The following CTIF variants were observed in gnomAD, a reference collection of about 807,000 sequenced individuals.
CTIF encodes the protein CBP80/20-dependent translation initiation factor.
Under a neutral mutation model 66.0 loss-of-function variants are expected in CTIF, and 21 were observed. That is an observed-to-expected ratio of 0.32 (90% CI 0.23 to 0.46). The LOEUF is 0.46. CTIF is among the 20% of genes least tolerant of loss of function. The pLI, the probability that CTIF is intolerant of heterozygous loss-of-function variation, is 1.00. For missense variants in CTIF, 739 were observed against 812.7 expected (o/e 0.91, Z 1.10); for synonymous variants, 345 against 326.4 (o/e 1.06, Z -0.62).
intron 6 of CTIF, among the ~76,000 whole-genome samples, chr18:48,695,209 T>C (rs2091987978): frequency 6.6e-6 from 1 of 152,228 alleles, no homozygotes; most frequent in Non-Finnish European, 1.5e-5. Flanking sequence ...GCTGGAATTG[T>C]TTACAGAGCG....
chr18:48,842,516 G>A (rs2068969159), intron 10 of CTIF, among the ~76,000 whole-genome samples: 2 of 151,256 alleles, frequency 1.3e-5, no homozygotes. Flanking sequence ...GCCTCACAGT[G>A]TTCCCAGGAT....
At chr18:48,752,804 C>T (rs929701275) in intron 7 of CTIF, among the ~76,000 whole-genome samples, 8 of 152,178 alleles carry the variant, frequency 5.3e-5, no homozygotes, top group African/African-American at 1.7e-4. Flanking sequence ...ATGGGTGCTC[C>T]GTTAGTATAG....
chr18:48,589,579 G>A (rs1319929628), intron 1 of CTIF, among the ~76,000 whole-genome samples: 4 of 152,234 alleles, frequency 2.6e-5, no homozygotes, highest in Non-Finnish European at 5.9e-5. Flanking sequence ...ACACAGCTGA[G>A]CTAATGCAGT....
chr18:48,843,587 A>G (rs8084999), intron 10 of CTIF, among the ~76,000 whole-genome samples: 8,347 of 152,170 alleles, frequency 0.055, 727 homozygotes, highest in African/African-American at 0.19. Context: ...GGGAAATGGA[A>G]TAGGCCAGAG....
At chr18:48,755,348 C>T (rs1250376014) in intron 7 of CTIF, among the ~76,000 whole-genome samples, 1 of 152,196 alleles carries the variant, frequency 6.6e-6, no homozygotes, top group African/African-American at 2.4e-5. Context: ...GCCACAGTTT[C>T]TTCTGGGCTT....
intron 2 of CTIF, chr18:48,621,765 A>C (rs895609677): frequency 4.1e-6 from 1 of 246,504 alleles, no homozygotes; most frequent in South Asian, 3.9e-5. Context: ...CCTGGAGACT[A>C]GGAGAATAGT....
In CTIF at chr18:48,591,385, G is replaced by A. The variant is rs146394324; in HGVS notation, c.-28-28153G>A. ...CTGGAGCTCTGAGCAGGACACATGGGAGAAGACAGACTCAGCATCAAGAAA... is the reference window on the plus strand; with the variant it reads ...CTGGAGCTCTGAGCAGGACACATGGAAGAAGACAGACTCAGCATCAAGAAA... On this transcript the variant is annotated intron_variant, in intron 1 of 11. Coordinates refer to ENST00000256413, the MANE Select transcript of CTIF (RefSeq NM_014772.3). 4.3e-4 allele frequency among the ~76,000 whole-genome samples: 66 copies of A among 152,336 alleles called. 1 individual carries two copies. Among genetic ancestry groups the A allele is most frequent in the Middle Eastern group, 6.8e-3 (2 of 294 alleles).
chr18:48,548,825 G>A (rs985227685), intron 1 of CTIF, among the ~76,000 whole-genome samples: 1 of 152,238 alleles, frequency 6.6e-6, no homozygotes, highest in Non-Finnish European at 1.5e-5. Context: ...GGCTCTAGGA[G>A]TGAGGTGAGA....
chr18:48,602,112 C>G (rs913335829), intron 1 of CTIF, among the ~76,000 whole-genome samples: 1 of 152,218 alleles, frequency 6.6e-6, no homozygotes, highest in African/African-American at 2.4e-5. Flanking sequence ...GAACATGGGC[C>G]TACTGTTCAT....
At chr18:48,689,775 G>A (rs1426088456) in intron 6 of CTIF, among the ~76,000 whole-genome samples, 2 of 152,176 alleles carry the variant, frequency 1.3e-5, no homozygotes, top group Non-Finnish European at 2.9e-5. Context: ...TAAGTGCAAA[G>A]GTGACTTTCA....
chr18:48,591,276 C>A (rs2089882304), intron 1 of CTIF, among the ~76,000 whole-genome samples: 2 of 152,246 alleles, frequency 1.3e-5, no homozygotes, highest in South Asian at 4.1e-4. Context: ...TTGTGGGTCC[C>A]AGGCTGGCTG....
chr18:48,859,964 G>A lies in CTIF; in HGVS notation c.*405G>A, dbSNP rs1054654265. The A allele has an allele frequency of 1.3e-5, 6 of 468,490 alleles. No individual in the cohort carries two copies. The highest frequency in any genetic ancestry group is 2.0e-5 in the African/African-American group (1 of 50,542). 29.0% of individuals were successfully genotyped at this position (468,490 alleles called of 1,614,324 possible). A position where few individuals can be genotyped will look rare whatever the true frequency, so the allele number is the denominator to read the frequency against. The stretch of plus-strand genomic sequence containing the variant: ...CACCGCTTGGGTCAGAAAGGACCTC[G>A]GAAGGCTGAAAAAGTGGGTCGGAGA... On this transcript the variant is annotated 3_prime_UTR_variant, in exon 12 of 12. Transcript: ENST00000256413.
chr18:48,568,371 T>A (rs1468606952), intron 1 of CTIF: 1 of 151,888 alleles, frequency 6.6e-6, no homozygotes, highest in Non-Finnish European at 1.5e-5. Context: ...GGGGAAACAT[T>A]GGGAATCGGA....
chr18:48,757,547 C>T (rs1054588194), intron 7 of CTIF, among the ~76,000 whole-genome samples: 2 of 152,184 alleles, frequency 1.3e-5, no homozygotes, highest in African/African-American at 2.4e-5. Flanking sequence ...ACACGTGGAA[C>T]GGCTGCTTCC....
chr18:48,818,037 A>G (rs1224620558), intron 10 of CTIF, among the ~76,000 whole-genome samples: 3 of 152,350 alleles, frequency 2.0e-5, no homozygotes, highest in East Asian at 1.9e-4. Context: ...TATTTATTCT[A>G]TGAAAACATA....
chr18:48,772,181 C>T (rs1167598252), intron 9 of CTIF, among the ~76,000 whole-genome samples: 1 of 152,174 alleles, frequency 6.6e-6, no homozygotes, highest in Non-Finnish European at 1.5e-5. Flanking sequence ...GCTTAAGGAG[C>T]TCAGAGGCCT....
At chr18:48,556,810 C>T (rs987260021) in intron 1 of CTIF, among the ~76,000 whole-genome samples, 18 of 152,162 alleles carry the variant, frequency 1.2e-4, no homozygotes, top group African/African-American at 4.1e-4. Flanking sequence ...GGTGATCCAC[C>T]TGCCTTGGCC....
At chr18:48,694,308 G>A (rs757886564) in intron 6 of CTIF, among the ~76,000 whole-genome samples, 1 of 152,270 alleles carries the variant, frequency 6.6e-6, no homozygotes, top group Non-Finnish European at 1.5e-5. Flanking sequence ...TTCAGGTGAG[G>A]AGGGCTGCAG....
intron 7 of CTIF, among the ~76,000 whole-genome samples, chr18:48,740,864 A>G (rs1367813379): frequency 1.3e-5 from 2 of 152,230 alleles, no homozygotes; most frequent in Non-Finnish European, 2.9e-5. Flanking sequence ...TGTAATATTT[A>G]TCTAGCCCTG....
Sources: allele counts gnomAD v4.1 joint callset (sites outside exome capture counted in the v4.1 genomes callset), GRCh38; gene constraint gnomAD v4.1.1; transcripts MANE v1.5; gene names NCBI Gene and HGNC (gene_info 2026-07-23, HGNC 2026-07-21).